The following SMPDL3A variants were observed in gnomAD, a reference collection of about 807,000 sequenced individuals.
SMPDL3A encodes sphingomyelin phosphodiesterase acid like 3A.
In SMPDL3A, 39 loss-of-function variants were observed where a neutral mutation model predicts 38.5. The ratio of observed to expected loss-of-function variants is 1.01; its 90% CI spans 0.78 to 1.32. The LOEUF is 1.32. SMPDL3A is among the 40% of genes most tolerant of loss of function. The pLI is 0.00. For synonymous variants in SMPDL3A, 180 were observed against 194.3 expected (o/e 0.93, Z 0.61); for missense variants, 502 against 536.2 (o/e 0.94, Z 0.63).
intron 3 of SMPDL3A, 86 bp downstream of exon 3, chr6:122,797,054 G>A (rs1781272648): frequency 8.7e-7 from 1 of 1,144,896 alleles, no homozygotes; most frequent in Admixed American, 1.8e-5. Flanking sequence ...CTAGTGATAG[G>A]GCATGGGAAT....
chr6:122,789,286 C>G lies in SMPDL3A; in HGVS notation c.-61C>G, dbSNP rs544925679. On this transcript the variant is annotated 5_prime_UTR_variant, in exon 1 of 8. Coordinates refer to ENST00000368440, the MANE Select transcript of SMPDL3A (RefSeq NM_006714.5). ...TTCTGTCTCCGCCTCACCCTCAGGCCTGACGGTCCGAGTGGAGCTGCGGGA... is the reference window on the plus strand; with the variant it reads ...TTCTGTCTCCGCCTCACCCTCAGGCGTGACGGTCCGAGTGGAGCTGCGGGA... The G allele has an allele frequency of 8.0e-7, 1 of 1,247,542 alleles. No homozygotes were observed. Among genetic ancestry groups the G allele is most frequent in the Admixed American group, 2.2e-5 (1 of 45,902 alleles). 77.3% of individuals were successfully genotyped at this position (1,247,542 alleles called of 1,614,324 possible).
intron 1 of SMPDL3A, among the ~76,000 whole-genome samples, chr6:122,792,638 C>CTTTTT (rs368762743): frequency 4.3e-5 from 6 of 140,794 alleles, no homozygotes; most frequent in Admixed American, 7.0e-5. Context: ...TCTTCTTCCC[C>CTTTTT]TTTTTTTTTT....
At chr6:122,790,211 A>G (rs1781032270) in intron 1 of SMPDL3A, among the ~76,000 whole-genome samples, 2 of 152,156 alleles carry the variant, frequency 1.3e-5, no homozygotes, top group Admixed American at 1.3e-4. Context: ...GCAAATTTCC[A>G]GCCCATCCCA....
chr6:122,803,945 T>A (rs1781511814), intron 5 of SMPDL3A, 112 bp downstream of exon 5: 1 of 887,120 alleles, frequency 1.1e-6, no homozygotes, highest in African/African-American at 1.7e-5. Flanking sequence ...TTTGAAGATT[T>A]TTTTTGCATA....
At position 122,803,838 on chromosome 6, in the gene SMPDL3A, A is replaced by G. The variant is rs1041809588; in HGVS notation, c.738+5A>G. ...TCTCAGCAGAATAAGGAGAAGGTAG[A>G]TCCCATAGACCAAAACCATCTGGGA... On this transcript the variant is annotated splice_donor_5th_base_variant and intron_variant, in intron 5 of 7. Transcript: ENST00000368440. 7 of 1,612,464 alleles carry G rather than the reference A, an allele frequency of 4.3e-6. No homozygotes were observed. In the African/African-American group the frequency reaches 9.3e-5, roughly 22 times the overall value.
At chr6:122,789,491 G>A (rs759576934) in intron 1 of SMPDL3A, 33 bp downstream of exon 1, 4 of 1,514,392 alleles carry the variant, frequency 2.6e-6, no homozygotes, top group Non-Finnish European at 2.7e-6. Context: ...CTTCCCAGCC[G>A]GCAAAGAGCG....
In SMPDL3A at chr6:122,794,657, A is replaced by G. The variant is rs149123432; in HGVS notation, c.113-1020A>G. ...TGATTTCCAAGTAAGGGTGCTATCA[A>G]ATGGGCTTGGCTGCTTCCTAAAAAC... On this transcript the variant is annotated intron_variant, in intron 1 of 7. Transcript: ENST00000368440. Among the ~76,000 whole-genome samples the G allele has an allele frequency of 5.3e-5, 8 of 152,286 alleles. No individual in the cohort carries two copies. In the South Asian group the frequency reaches 8.3e-4, roughly 16 times the overall value.
chr6:122,790,653 C>T (rs764070436), intron 1 of SMPDL3A, among the ~76,000 whole-genome samples: 6 of 152,214 alleles, frequency 3.9e-5, no homozygotes, highest in Non-Finnish European at 8.8e-5. Context: ...GGTTTCCGAA[C>T]TGTGGCAAAT....
chr6:122,790,303 A>T (rs1781036499), intron 1 of SMPDL3A, among the ~76,000 whole-genome samples: 1 of 152,120 alleles, frequency 6.6e-6, no homozygotes, highest in Admixed American at 6.5e-5. Context: ...CTTTCGGCTA[A>T]GTTTGAGACT....
rs569735247 is a variant in SMPDL3A, at chr6:122,795,904, C to T, written c.326+14C>T. 6.5e-7 allele frequency: 1 copy of T among 1,541,956 alleles called. No individual in the cohort carries two copies. Among genetic ancestry groups the T allele is most frequent in the South Asian group, 1.1e-5 (1 of 89,354 alleles). On this transcript the variant is annotated intron_variant, in intron 2 of 7. Coordinates refer to ENST00000368440, the MANE Select transcript of SMPDL3A (RefSeq NM_006714.5). ...GATATGGACAGGGTAAGTGATTATA[C>T]AAGTACCATTAATTACTCAATATTT...
intron 2 of SMPDL3A, among the ~76,000 whole-genome samples, chr6:122,796,566 C>A (rs1303575696): frequency 6.6e-6 from 1 of 152,116 alleles, no homozygotes; most frequent in Non-Finnish European, 1.5e-5. Context: ...CAGTTTTTAG[C>A]CTCTTATAAA....
chr6:122,806,149 T>A lies in SMPDL3A; in HGVS notation c.920-84T>A, dbSNP rs1781606983. On this transcript the variant is annotated intron_variant, in intron 6 of 7. Coordinates refer to ENST00000368440, the MANE Select transcript of SMPDL3A (RefSeq NM_006714.5). ...CATATCACTTGGTTATGTCTGTTAA[T>A]CTCTTAATCTGGAAACTTTATATTT... 1.9e-5 allele frequency: 23 copies of A among 1,234,482 alleles called. No homozygotes were observed. In the South Asian group the frequency reaches 3.9e-4, roughly 21 times the overall value. The allele number at this position is 1,234,482 out of a possible 1,614,324, so 76.5% of individuals were successfully genotyped here.
chr6:122,802,421 C>T (rs771641103), intron 4 of SMPDL3A, among the ~76,000 whole-genome samples: 6 of 152,046 alleles, frequency 3.9e-5, no homozygotes, highest in African/African-American at 9.7e-5. Context: ...AGGCTGGTCT[C>T]GGGCTTCTGA....
At chr6:122,805,194 A>C (rs1402410822) in intron 6 of SMPDL3A, 105 bp downstream of exon 6, 1 of 978,434 alleles carries the variant, frequency 1.0e-6, no homozygotes, top group African/African-American at 1.7e-5. Flanking sequence ...TTTATTTAAA[A>C]ATCTGCCAGC....
At chr6:122,804,212 T>C (rs1027028723) in intron 5 of SMPDL3A, among the ~76,000 whole-genome samples, 1 of 152,080 alleles carries the variant, frequency 6.6e-6, no homozygotes, top group Non-Finnish European at 1.5e-5. Context: ...GGTCTTGAAC[T>C]ACTGACCTAG....
chr6:122,809,236 T>A lies in SMPDL3A; in HGVS notation c.1190T>A (p.Ile397Asn), dbSNP rs1755003332. Reference protein sequence around the residue: ...SLYGLAKQFTILDSKQFIKYY... With the variant: ...SLYGLAKQFTNLDSKQFIKYY... ...TATGGATTAGCTAAACAATTTACAA[T>A]CCTAGACAGTAAGCAGTTTATAAAA... is the stretch of plus-strand genomic sequence containing the variant. The change falls in exon 8 of 8, where the codon ATC becomes AAC. Residue 397 changes from isoleucine to asparagine, a missense_variant. Transcript: ENST00000368440. The A allele has an allele frequency of 1.2e-6, 2 of 1,614,170 alleles. No homozygotes were observed. Among genetic ancestry groups the A allele is most frequent in the Non-Finnish European group, 1.7e-6 (2 of 1,180,012 alleles).
rs1164154087 is a variant in SMPDL3A at position 122,789,434 on chromosome 6, G to T, written c.88G>T (p.Gly30Cys). 2.6e-6 allele frequency: 4 copies of T among 1,549,292 alleles called. No homozygotes were observed. Among genetic ancestry groups the T allele is most frequent in the Non-Finnish European group, 1.7e-6 (2 of 1,146,324 alleles). ...CGGGCTGCCCGTGGCGCCCGCAGGC[G>T]GCAGGAATCCTCCTCCGGCGATAGG... ...GLGLPVAPAGGRNPPPAIGQF... is the reference protein window; with the variant it reads ...GLGLPVAPAGCRNPPPAIGQF... Residue 30 changes from glycine to cysteine, a missense_variant, in exon 1 of 8, where the codon GGC becomes TGC. Physicochemically the swap from Gly to Cys is radical, Grantham distance 159 (BLOSUM62 -3). Transcript: ENST00000368440.
chr6:122,790,633 C>T (rs1162423993), intron 1 of SMPDL3A, among the ~76,000 whole-genome samples: 1 of 152,214 alleles, frequency 6.6e-6, no homozygotes, highest in African/African-American at 2.4e-5. Flanking sequence ...GAAGCAAAAA[C>T]TGTAAATCTG....
intron 4 of SMPDL3A, among the ~76,000 whole-genome samples, chr6:122,803,071 C>T (rs1403042117): frequency 6.6e-6 from 1 of 152,180 alleles, no homozygotes; most frequent in Non-Finnish European, 1.5e-5. Context: ...TGAGTAGGCT[C>T]AGGGCAAAGA....
Sources: allele counts gnomAD v4.1 joint callset (sites outside exome capture counted in the v4.1 genomes callset), GRCh38; gene constraint gnomAD v4.1.1; transcripts MANE v1.5; gene names NCBI Gene and HGNC (gene_info 2026-07-23, HGNC 2026-07-21).